TFEC: variants seen among roughly 807,000 people sequenced by gnomAD.
TFEC encodes the protein transcription factor EC.
A neutral mutation model predicts 41.6 loss-of-function variants in TFEC; 31 were observed. The ratio of observed to expected loss-of-function variants is 0.74; its 90% CI spans 0.56 to 1.01. The LOEUF is 1.01. Among genes scored for constraint, TFEC ranks in the 50% least tolerant of loss-of-function variants. The pLI, the probability that TFEC is intolerant of heterozygous loss-of-function variation, is 0.00. For missense variants in TFEC, 402 were observed against 404.1 expected (o/e 0.99, Z 0.04); for synonymous variants, 143 against 140.6 (o/e 1.02, Z -0.12).
intron 2 of TFEC, among the ~76,000 whole-genome samples, chr7:115,978,657 A>G (rs1698418814): frequency 6.6e-6 from 1 of 152,124 alleles, no homozygotes; most frequent in African/African-American, 2.4e-5. Context: ...TCCTACTGAC[A>G]TCCCTTTTGT....
rs549178300 is a variant in TFEC, at chr7:116,159,466, T to A, written c.-69+324A>T. Among the ~76,000 whole-genome samples, 4 of 152,114 alleles carry A rather than the reference T, an allele frequency of 2.6e-5. No individual in the cohort carries two copies. In the East Asian group the frequency reaches 7.7e-4, roughly 29 times the overall value. On this transcript the variant is annotated intron_variant, in intron 1 of 8. Coordinates refer to the TFEC transcript ENST00000484212. ...ATAGTCTCGCCAATTCTCTATAAAC[T>A]TCAGCGATATTTGAAACCATTTTGC...
intron 2 of TFEC, among the ~76,000 whole-genome samples, chr7:115,975,486 T>C (rs1161798415): frequency 6.6e-6 from 1 of 152,134 alleles, no homozygotes; most frequent in African/African-American, 2.4e-5. Flanking sequence ...TTCGGAGAAT[T>C]CTACTAAGAT....
At chr7:116,021,138 A>G in intron 1 of TFEC, among the ~76,000 whole-genome samples, 1 of 152,166 alleles carries the variant, frequency 6.6e-6, no homozygotes, top group South Asian at 2.1e-4. Flanking sequence ...ATATAAAAGC[A>G]TTTCCTTTTA....
At chr7:116,094,647 T>G (rs551099342) in intron 3 of TFEC, among the ~76,000 whole-genome samples, 11 of 152,170 alleles carry the variant, frequency 7.2e-5, no homozygotes, top group Admixed American at 2.6e-4. Context: ...GCCACTGCAC[T>G]CCCGCCTGGG....
chr7:115,940,604 T>C lies in TFEC; in HGVS notation c.991A>G (p.Lys331Glu), dbSNP rs895060239. 1.9e-6 allele frequency: 3 copies of C among 1,613,282 alleles called. No homozygotes were observed. In the African/African-American group the frequency reaches 4.0e-5, roughly 22 times the overall value. Reference sequence around the variant, plus strand: ...AAGCTACTTCTCCTACTGCTTTCTTTGGAAACTGCAGGGGAAGTGGCAGAT... The same window carrying C: ...AAGCTACTTCTCCTACTGCTTTCTTCGGAAACTGCAGGGGAAGTGGCAGAT... Reference protein sequence around the residue: ...LLSATSPAVSKESSRRSSFSS... With the variant: ...LLSATSPAVSEESSRRSSFSS... Residue 331 changes from lysine to glutamate, a missense_variant, in exon 8 of 8, where the codon AAA (lysine) becomes GAA (glutamate). Physicochemically the swap from Lys to Glu is moderately conservative, Grantham distance 56. Coordinates refer to ENST00000265440, the MANE Select transcript of TFEC (RefSeq NM_012252.4).
chr7:116,107,674 A>G (rs1234008198), intron 3 of TFEC, among the ~76,000 whole-genome samples: 1 of 152,120 alleles, frequency 6.6e-6, no homozygotes, highest in African/African-American at 2.4e-5. Flanking sequence ...TCTACTTCAT[A>G]CTGGGTTACT....
chr7:116,127,691 C>T (rs1042722007), intron 1 of TFEC, among the ~76,000 whole-genome samples: 1 of 105,126 alleles, frequency 9.5e-6, no homozygotes, highest in Admixed American at 1.0e-4. Context: ...GAGTCAGTGT[C>T]AAAAAAAAAA....
At chr7:116,103,772 G>A (rs1029375252) in intron 3 of TFEC, among the ~76,000 whole-genome samples, 1 of 152,014 alleles carries the variant, frequency 6.6e-6, no homozygotes, top group African/African-American at 2.4e-5. Flanking sequence ...GTTTGCCACT[G>A]AAAATTAGCA....
chr7:115,952,325 T>C (rs1345889576), intron 5 of TFEC, among the ~76,000 whole-genome samples: 6 of 151,870 alleles, frequency 4.0e-5, no homozygotes, highest in Admixed American at 1.3e-4. Flanking sequence ...GTAAAGCTAA[T>C]AGAAACATAT....
At chr7:116,143,879 G>GT (rs1261332643) in intron 1 of TFEC, among the ~76,000 whole-genome samples, 1 of 152,086 alleles carries the variant, frequency 6.6e-6, no homozygotes, top group Non-Finnish European at 1.5e-5. Flanking sequence ...ATTTTCCTAG[G>GT]TTTTTATAAA....
chr7:116,083,086 A>C (rs1340052170), intron 3 of TFEC, among the ~76,000 whole-genome samples: 1 of 151,884 alleles, frequency 6.6e-6, no homozygotes, highest in Non-Finnish European at 1.5e-5. Context: ...TTAAAATGAT[A>C]ATTTTAAGTA....
chr7:115,969,793 C>G (rs908600517), intron 3 of TFEC, among the ~76,000 whole-genome samples: 5 of 151,828 alleles, frequency 3.3e-5, no homozygotes, highest in Non-Finnish European at 7.4e-5. Flanking sequence ...GATGATGGAA[C>G]TTGTTTTACA....
chr7:116,114,112 T>C (rs1479292474), intron 1 of TFEC, among the ~76,000 whole-genome samples: 2 of 152,106 alleles, frequency 1.3e-5, no homozygotes, highest in African/African-American at 4.8e-5. Context: ...CCATTATTAA[T>C]AGTAATTTGA....
intron 3 of TFEC, among the ~76,000 whole-genome samples, chr7:116,059,091 T>C (rs1232953558): frequency 6.6e-6 from 1 of 151,782 alleles, no homozygotes; most frequent in African/African-American, 2.4e-5. Flanking sequence ...GCTTATTCTT[T>C]AAGAAAATCA....
intron 1 of TFEC, among the ~76,000 whole-genome samples, chr7:116,143,461 C>A (rs1302327508): frequency 1.2e-4 from 18 of 152,082 alleles, no homozygotes; most frequent in Admixed American, 1.0e-3. Flanking sequence ...AATTCTCATT[C>A]CAGGACGAAA....
At chr7:116,117,908 T>C (rs1798026508) in intron 1 of TFEC, among the ~76,000 whole-genome samples, 1 of 151,794 alleles carries the variant, frequency 6.6e-6, no homozygotes, top group Non-Finnish European at 1.5e-5. Flanking sequence ...TAAATTTCCT[T>C]CTCTTTCCTT....
Position 116,068,724 on chromosome 7 carries a change from A to C in TFEC, c.198+41984T>G, listed in dbSNP as rs1370413923. 2.6e-5 allele frequency among the ~76,000 whole-genome samples: 4 copies of C among 151,758 alleles called. No homozygotes were observed. In the Admixed American group the frequency reaches 2.6e-4, roughly 10 times the overall value. On this transcript the variant is annotated intron_variant, in intron 3 of 8. Coordinates refer to the TFEC transcript ENST00000484212. ...AATGAGAATTAATAAATCCAAAAAT[A>C]AAAGGCAAGAAGTACATCCCAAAGC...
At chr7:116,095,719 A>G (rs1159145118) in intron 3 of TFEC, among the ~76,000 whole-genome samples, 6 of 152,202 alleles carry the variant, frequency 3.9e-5, no homozygotes, top group South Asian at 2.1e-4. Flanking sequence ...CCTCAGTTCA[A>G]TGACCTTTAG....
At chr7:116,022,832 T>C (rs530809816) in intron 1 of TFEC, among the ~76,000 whole-genome samples, 3 of 152,342 alleles carry the variant, frequency 2.0e-5, no homozygotes, top group Admixed American at 1.3e-4. Flanking sequence ...TACCATTCTA[T>C]ACAGGCATTG....
Sources: allele counts gnomAD v4.1 joint callset (sites outside exome capture counted in the v4.1 genomes callset), GRCh38; gene constraint gnomAD v4.1.1; transcripts MANE v1.5; gene names NCBI Gene and HGNC (gene_info 2026-07-23, HGNC 2026-07-21).